The following ARID3A variants were observed in gnomAD, a reference collection of about 807,000 sequenced individuals.
ARID3A encodes AT-rich interactive domain-containing protein 3A.
In ARID3A, 11 loss-of-function variants were observed where a neutral mutation model predicts 52.7. That is an observed-to-expected ratio of 0.21 (90% CI 0.13 to 0.35). ARID3A has a LOEUF of 0.35. ARID3A is among the 10% of genes least tolerant of loss of function. The pLI is 1.00. For synonymous variants in ARID3A, 404 were observed against 359.4 expected, an observed-to-expected ratio of 1.12 and a Z score of -1.40; for missense variants, 721 against 838.5, an observed-to-expected ratio of 0.86 and a Z score of 1.73.
rs560478256 is a variant in ARID3A, at chr19:947,471, G to C, written c.694-12621G>C. ...GCCTCAGTTTCCCCAACTGTGAAAC[G>C]GGCTGGCGGCCGGTCAGCGTCTCCT... On this transcript the variant is annotated intron_variant, in intron 3 of 8. Transcript: ENST00000263620. This position sits in a 1 kb window ranked among gnomAD's most constrained non-coding sequence, Gnocchi z 6.3. 6.6e-6 allele frequency among the ~76,000 whole-genome samples: 1 copy of C among 152,140 alleles called. No individual in the cohort carries two copies. Among genetic ancestry groups the C allele is most frequent in the African/African-American group, 2.4e-5 (1 of 41,426 alleles).
At chr19:931,582 G>T (rs1016477712) in intron 2 of ARID3A, among the ~76,000 whole-genome samples, 4 of 152,190 alleles carry the variant, frequency 2.6e-5, no homozygotes, top group African/African-American at 9.6e-5. Context: ...GGAGGCCGAG[G>T]TGGGCGGATC....
chr19:966,768 G>A lies in ARID3A; in HGVS notation c.1395G>A (p.Leu465=), dbSNP rs927587409. 3.7e-6 allele frequency: 6 copies of A among 1,613,414 alleles called. No homozygotes were observed. The highest frequency in any genetic ancestry group is 5.1e-6 in the Non-Finnish European group (6 of 1,180,004). Residue 465 remains leucine, a synonymous_variant, in exon 7 of 9, where the codon CTG becomes CTA. Transcript: ENST00000263620. ...AGCCTCCGGAGAAGAAGATGGCCCT[G>A]GTGGCCGATGAGCAGCAACGGCTGA... is the stretch of plus-strand genomic sequence containing the variant. ...SAEPPEKKMA[L]VADEQQRLMQ... is the part of the protein sequence containing the mutation.
At chr19:965,546 T>C (rs1214402243) in intron 6 of ARID3A, among the ~76,000 whole-genome samples, 4 of 150,582 alleles carry the variant, frequency 2.7e-5, no homozygotes, top group African/African-American at 9.9e-5. Context: ...AAAAAAAAAT[T>C]AGCTGGGCGT....
intron 2 of ARID3A, among the ~76,000 whole-genome samples, chr19:930,987 C>T (rs1478522514): frequency 6.6e-6 from 1 of 151,706 alleles, no homozygotes; most frequent in Non-Finnish European, 1.5e-5. Flanking sequence ...CCGCATCTTC[C>T]TGGGAGGACC....
rs1322263928 is a variant in ARID3A at position 973,552 on chromosome 19, G to A, written c.*1487G>A. On this transcript the variant is annotated 3_prime_UTR_variant, in exon 9 of 9. Coordinates refer to ENST00000263620, the MANE Select transcript of ARID3A (RefSeq NM_005224.3). ...ATTGGGATTCTTCTCTTGCCCGAAA[G>A]GGCTGCTTTTGAGGACTATCAATAC... is the stretch of plus-strand genomic sequence containing the variant. 3 of 224,498 alleles carry A rather than the reference G, an allele frequency of 1.3e-5. No individual in the cohort carries two copies. Among genetic ancestry groups the A allele is most frequent in the Non-Finnish European group, 1.8e-5 (2 of 112,524 alleles). 13.9% of individuals were successfully genotyped at this position (224,498 alleles called of 1,614,324 possible). A position where few individuals can be genotyped will look rare whatever the true frequency, so the allele number is the denominator to read the frequency against.
chr19:945,906 G>T (rs1421328532), intron 3 of ARID3A, among the ~76,000 whole-genome samples: 1 of 152,202 alleles, frequency 6.6e-6, no homozygotes, highest in South Asian at 2.1e-4. Context: ...CTCCTGCTGG[G>T]CATGACACTT....
At chr19:934,507 TG>T (rs1339664379) in intron 3 of ARID3A, among the ~76,000 whole-genome samples, 3 of 152,128 alleles carry the variant, frequency 2.0e-5, no homozygotes, top group African/African-American at 7.2e-5. Context: ...GAAGCCGAGA[TG>T]GGGAAACTGA....
Position 972,251 on chromosome 19 carries a change from G to GTATATATA in ARID3A, c.*189_*196dup, listed in dbSNP as rs1026195680. 1 of 181,908 alleles carries GTATATATA rather than the reference G, an allele frequency of 5.5e-6. No homozygotes were observed. The highest frequency in any genetic ancestry group is 1.0e-5 in the Non-Finnish European group (1 of 95,314). 11.3% of individuals were successfully genotyped at this position (181,908 alleles called of 1,614,324 possible). ...TATATATATATATATATATATACAC[G>GTATATATA]TATATATATAAAGAGAATTTAATAA... On this transcript the variant is annotated 3_prime_UTR_variant, in exon 9 of 9. Coordinates refer to ENST00000263620, the MANE Select transcript of ARID3A (RefSeq NM_005224.3).
chr19:932,752 C>T lies in ARID3A; in HGVS notation c.693+10C>T, dbSNP rs756434105. On this transcript the variant is annotated intron_variant, in intron 3 of 8. Coordinates refer to ENST00000263620, the MANE Select transcript of ARID3A (RefSeq NM_005224.3). ...GGAGCAGTTTAAGCAGGTGAGTGGG[C>T]GCGTCCCGCGTGGCGGCTGAGGCAC... 27 of 1,546,174 alleles carry T rather than the reference C, an allele frequency of 1.7e-5. No homozygotes were observed. Among genetic ancestry groups the T allele is most frequent in the South Asian group, 7.1e-5 (6 of 83,934 alleles).
Position 932,726 on chromosome 19 carries a change from A to G in ARID3A, c.677A>G (p.Glu226Gly). The change falls in exon 3 of 9, where the codon GAG (glutamate) becomes GGG (glycine). Residue 226 changes from glutamate (E) to glycine (G), a missense_variant. Coordinates refer to ENST00000263620, the MANE Select transcript of ARID3A (RefSeq NM_005224.3). Reference protein sequence around the residue: ...QPPDHGDWTYEEQFKQLYELD... With the variant: ...QPPDHGDWTYGEQFKQLYELD... ...CCTGACCACGGCGACTGGACTTACG[A>G]GGAGCAGTTTAAGCAGGTGAGTGGG... 1 of 1,547,324 alleles carries G rather than the reference A, an allele frequency of 6.5e-7. No individual in the cohort carries two copies. Among genetic ancestry groups the G allele is most frequent in the Non-Finnish European group, 8.7e-7 (1 of 1,146,414 alleles).
At chr19:966,279 A>G (rs112951768) in intron 6 of ARID3A, among the ~76,000 whole-genome samples, 19,613 of 151,106 alleles carry the variant, frequency 0.13, 1,489 homozygotes, top group South Asian at 0.27. Context: ...GGCCAACATG[A>G]AGAAACCCCG....
Position 975,646 on chromosome 19 carries a change from C to T in ARID3A, c.*3581C>T, listed in dbSNP as rs1166686637. On this transcript the variant is annotated 3_prime_UTR_variant, in exon 9 of 9. Coordinates refer to ENST00000263620, the MANE Select transcript of ARID3A (RefSeq NM_005224.3). ...TTAAAAAACATAAAACTACTCTCTA[C>T]CTCTGGCTGGGCCCAGCCTGTCTCG... 4.8e-6 allele frequency: 1 copy of T among 208,052 alleles called. No homozygotes were observed. Among genetic ancestry groups the T allele is most frequent in the Non-Finnish European group, 9.7e-6 (1 of 103,198 alleles). 12.9% of individuals were successfully genotyped at this position (208,052 alleles called of 1,614,324 possible).
intron 3 of ARID3A, among the ~76,000 whole-genome samples, chr19:939,228 C>T (rs188217692): frequency 9.9e-5 from 15 of 152,212 alleles, no homozygotes; most frequent in South Asian, 4.1e-4. Flanking sequence ...AAGCAATTCT[C>T]CTGCCTCAGC....
rs938808876 is a variant in ARID3A at position 933,174 on chromosome 19, G to A, written c.693+432G>A. Reference sequence around the variant, plus strand: ...TGTCCCCTGGCATCTGTGGAGAGCCGTGGGGGGTTGCGGGCTGCAGCTGGC... The same window carrying A: ...TGTCCCCTGGCATCTGTGGAGAGCCATGGGGGGTTGCGGGCTGCAGCTGGC... On this transcript the variant is annotated intron_variant, in intron 3 of 8. Coordinates refer to ENST00000263620, the MANE Select transcript of ARID3A (RefSeq NM_005224.3). Among the ~76,000 whole-genome samples the A allele has an allele frequency of 1.6e-4, 25 of 152,206 alleles. No individual in the cohort carries two copies. In the East Asian group the frequency reaches 1.7e-3, roughly 11 times the overall value.
At position 938,679 on chromosome 19, in the gene ARID3A, C is replaced by G. The variant is rs1213506368; in HGVS notation, c.693+5937C>G. Among the ~76,000 whole-genome samples the G allele has an allele frequency of 6.6e-6, 1 of 152,120 alleles. No homozygotes were observed. The highest frequency in any genetic ancestry group is 1.9e-4 in the East Asian group (1 of 5,174). On this transcript the variant is annotated intron_variant, in intron 3 of 8. Coordinates refer to ENST00000263620, the MANE Select transcript of ARID3A (RefSeq NM_005224.3). The surrounding 1 kb of genome is among the most constrained non-coding windows in gnomAD (Gnocchi z 4.0). ...ATATCCAGGCCTCCGGGCCTGACAG[C>G]TGGGCGTGTGTGGGCACTGGGGCAG...
Position 961,030 on chromosome 19 carries a change from G to A in ARID3A, c.766+866G>A, listed in dbSNP as rs140564736. 2.0e-4 allele frequency among the ~76,000 whole-genome samples: 31 copies of A among 152,272 alleles called. No individual in the cohort carries two copies. In the East Asian group the frequency reaches 3.7e-3, roughly 18 times the overall value. ...TCTCGCCTCCAAGTCCTCGTCGGCC[G>A]GAGAGGGTCCTAGGAGCGTCTGCTG... On this transcript the variant is annotated intron_variant, in intron 4 of 8. Coordinates refer to ENST00000263620, the MANE Select transcript of ARID3A (RefSeq NM_005224.3).
rs757868606 is a variant in ARID3A, at chr19:972,562, T to A, written c.*497T>A. 24 of 218,386 alleles carry A rather than the reference T, an allele frequency of 1.1e-4. No homozygotes were observed. Among genetic ancestry groups the A allele is most frequent in the Non-Finnish European group, 1.8e-4 (19 of 108,504 alleles). The allele number at this position is 218,386 out of a possible 1,614,324, so 13.5% of individuals were successfully genotyped here. On this transcript the variant is annotated 3_prime_UTR_variant, in exon 9 of 9. Coordinates refer to ENST00000263620, the MANE Select transcript of ARID3A (RefSeq NM_005224.3). ...CACCACACACTCACCACTCCCAGCT[T>A]CTCGTGTCCAGTGAAACCCCTGAAC...
chr19:949,324 G>A (rs1156772073), intron 3 of ARID3A, among the ~76,000 whole-genome samples: 2 of 152,104 alleles, frequency 1.3e-5, no homozygotes, highest in Admixed American at 1.3e-4. Context: ...AGCAGCCGCA[G>A]GTGCTGAGTC....
intron 3 of ARID3A, among the ~76,000 whole-genome samples, chr19:953,985 T>C (rs1289319278): frequency 2.6e-5 from 4 of 151,600 alleles, no homozygotes; most frequent in African/African-American, 9.7e-5. Flanking sequence ...AGGTGGGAGG[T>C]GGAGGCTGCA....
Sources: gnomAD v4.1 joint callset for allele counts (sites outside exome capture counted in the v4.1 genomes callset) on GRCh38, gnomAD v4.1.1 for gene constraint, Gnocchi (gnomAD v3.1) non-coding constraint, MANE v1.5 for transcripts, NCBI Gene and HGNC (gene_info 2026-07-23, HGNC 2026-07-21) for gene names.